Variants in WDR37 observed in about 807,000 individuals in gnomAD.
WDR37 encodes WD repeat domain 37.
WDR37 carries 19 observed loss-of-function variants against 62.9 expected under a neutral mutation model. That is an observed-to-expected ratio of 0.30 (90% CI 0.21 to 0.44). WDR37 has a LOEUF of 0.44. Ranked by LOEUF, WDR37 falls within the 20% of genes least tolerant of loss-of-function variation. WDR37 has a pLI of 1.00. For synonymous variants in WDR37, 250 were observed against 260.9 expected (o/e 0.96, Z 0.40); for missense variants, 474 against 657.6 (o/e 0.72, Z 3.05).
Position 1,108,738 on chromosome 10 carries a change from T to TCCCCCCCCCCCCCCCC in WDR37, c.1103+3471_1103+3472insCCCCCCCCCCCCCCCC, listed in dbSNP as rs1491455688. 5.0e-5 allele frequency among the ~76,000 whole-genome samples: 3 copies of TCCCCCCCCCCCCCCCC among 59,726 alleles called. 1 individual carries two copies. Among genetic ancestry groups the TCCCCCCCCCCCCCCCC allele is most frequent in the Non-Finnish European group, 7.5e-5 (2 of 26,688 alleles). 39.2% of individuals were successfully genotyped at this position (59,726 alleles called of 152,430 possible). ...GTTGCTTTGGTTTTGGCTTCTGTGA[T>TCCCCCCCCCCCCCCCC]GCCCCCCCCCCCCGTGGAACCTGCA... On this transcript the variant is annotated intron_variant, in intron 11 of 13. Transcript: ENST00000263150.
intron 12 of WDR37, 122 bp from the exon 13 acceptor site, chr10:1,124,788 G>A: frequency 7.8e-7 from 1 of 1,277,832 alleles, no homozygotes; most frequent in Non-Finnish European, 1.1e-6. Flanking sequence ...TACACGCAGT[G>A]TGTTCATGTA....
intron 11 of WDR37, among the ~76,000 whole-genome samples, chr10:1,123,066 G>A (rs1194969948): frequency 2.0e-5 from 3 of 151,950 alleles, no homozygotes; most frequent in African/African-American, 4.8e-5. Context: ...TCATCTTTAG[G>A]GCGTGGGTCT....
chr10:1,074,296 T>C (rs41299206), intron 2 of WDR37: 92,166 of 1,196,390 alleles, frequency 0.077, 3,841 homozygotes, highest in African/African-American at 0.16. Flanking sequence ...AAGTGTTCTT[T>C]TCTGGGCCCT....
chr10:1,069,389 A>ATATATATATATATATTTTT, intron 1 of WDR37, among the ~76,000 whole-genome samples: 2 of 95,804 alleles, frequency 2.1e-5, no homozygotes, highest in Admixed American at 1.2e-4. Flanking sequence ...ATATATATAT[A>ATATATATATATATATTTTT]TTTTTTTTTT....
chr10:1,129,314 CA>C lies in WDR37; in HGVS notation c.1457del (p.Asn486ThrfsTer16). The C allele has an allele frequency of 6.2e-7, 1 of 1,614,114 alleles. No homozygotes were observed. The highest frequency in any genetic ancestry group is 8.5e-7 in the Non-Finnish European group (1 of 1,180,026). On this transcript the variant is annotated frameshift_variant, in exon 14 of 14. Transcript: ENST00000263150. LOFTEE classifies it high-confidence loss of function. ...ACCGGCAAGCCATTGGTTGGAACAT[CA>C]ACATCCCTGCATTGCTACAAGAAAA... ...FDRQAIGWNI[N>X]IPALLQEK is the part of the protein sequence containing the mutation.
intron 2 of WDR37, among the ~76,000 whole-genome samples, chr10:1,072,813 A>G (rs2131615986): frequency 6.6e-6 from 1 of 152,364 alleles, no homozygotes; most frequent in Admixed American, 6.5e-5. Flanking sequence ...TATGTATACT[A>G]AGTAATAACA....
chr10:1,088,740 C>T (rs1462225253), intron 7 of WDR37, among the ~76,000 whole-genome samples: 2 of 151,892 alleles, frequency 1.3e-5, no homozygotes, highest in East Asian at 1.9e-4. Context: ...GAATTACCAG[C>T]GTGTGTCACA....
intron 11 of WDR37, among the ~76,000 whole-genome samples, chr10:1,107,281 C>T (rs995245437): frequency 6.8e-6 from 1 of 147,858 alleles, no homozygotes; most frequent in Non-Finnish European, 1.5e-5. Context: ...GACCTGGGCC[C>T]ACCACCTGGC....
intron 13 of WDR37, among the ~76,000 whole-genome samples, chr10:1,126,296 C>A (rs1235639741): frequency 6.6e-6 from 1 of 151,296 alleles, no homozygotes; most frequent in East Asian, 1.9e-4. Flanking sequence ...GTCCCAGCTA[C>A]TCGGGAGGCT....
intron 1 of WDR37, among the ~76,000 whole-genome samples, chr10:1,062,177 A>T (rs539062615): frequency 6.6e-6 from 1 of 152,332 alleles, no homozygotes; most frequent in African/African-American, 2.4e-5. Flanking sequence ...GCCAAGTTCC[A>T]GGGAGGTGAT....
At chr10:1,063,208 TG>T (rs1833428129) in intron 1 of WDR37, among the ~76,000 whole-genome samples, 1 of 152,188 alleles carries the variant, frequency 6.6e-6, no homozygotes, top group Non-Finnish European at 1.5e-5. Context: ...GTATCTCATA[TG>T]TTGTGCTGGA....
chr10:1,125,785 A>G (rs1564514370), intron 13 of WDR37, among the ~76,000 whole-genome samples: 1 of 152,226 alleles, frequency 6.6e-6, no homozygotes, highest in Non-Finnish European at 1.5e-5. Flanking sequence ...TTTCTATGGC[A>G]GGCTGTTGCG....
At chr10:1,085,739 A>G (rs1462407750) in intron 6 of WDR37, among the ~76,000 whole-genome samples, 1 of 152,234 alleles carries the variant, frequency 6.6e-6, no homozygotes, top group East Asian at 1.9e-4. Flanking sequence ...TGGAAATCAT[A>G]GTTTTAAAAA....
Position 1,071,967 on chromosome 10 carries a change from C to T in WDR37, c.-40-149C>T, listed in dbSNP as rs139063939. The T allele has an allele frequency of 1.5e-3, 821 of 548,288 alleles. 9 individuals are homozygous for T. The East Asian group carries it at 0.027, about 18-fold the overall frequency. 34.0% of individuals were successfully genotyped at this position (548,288 alleles called of 1,614,324 possible). On this transcript the variant is annotated intron_variant, in intron 1 of 13. Transcript: ENST00000263150. ...AAAGGCTGTGGTCCCTACCTTAAAA[C>T]ATCTTAATTTGTCATATTCCAAATT... is the stretch of plus-strand genomic sequence containing the variant.
intron 1 of WDR37, among the ~76,000 whole-genome samples, chr10:1,066,917 T>G (rs532486547): frequency 3.9e-5 from 6 of 152,278 alleles, no homozygotes; most frequent in Non-Finnish European, 7.4e-5. Context: ...AACTCCCCCT[T>G]ATAGAACCAT....
intron 4 of WDR37, 24 bp from the exon 5 acceptor site, chr10:1,080,388 G>C: frequency 6.2e-7 from 1 of 1,613,970 alleles, no homozygotes; most frequent in Non-Finnish European, 8.5e-7. Context: ...GATTGTGTTT[G>C]ATTGTCACTC....
At chr10:1,063,600 G>A (rs375998546) in intron 1 of WDR37, among the ~76,000 whole-genome samples, 2 of 152,188 alleles carry the variant, frequency 1.3e-5, no homozygotes, top group African/African-American at 4.8e-5. Context: ...CTTCTGCTGG[G>A]TGGTGACAGA....
intron 2 of WDR37, 125 bp downstream of exon 2, chr10:1,072,418 G>A: frequency 7.8e-7 from 1 of 1,288,384 alleles, no homozygotes. Flanking sequence ...GGGTGGAAGT[G>A]ATTCTCCTGC....
In WDR37 at chr10:1,125,004, C is replaced by T; in HGVS notation, c.1333C>T (p.Leu445Phe). ...TATGTCAGGAGTGCGCCTGGCGCGG[C>T]TTCCCCGGAGCAGCCGACAGGTAAC... ...FDMSGVRLAR[L>F]PRSSRQGHRR... Residue 445 changes from leucine (L) to phenylalanine (F), a missense_variant, in exon 13 of 14, where the codon CTT becomes TTT. Physicochemically the swap from Leu to Phe is conservative, Grantham distance 22 (BLOSUM62 0). Coordinates refer to ENST00000263150, the MANE Select transcript of WDR37 (RefSeq NM_014023.4). The T allele has an allele frequency of 6.2e-7, 1 of 1,614,208 alleles. No homozygotes were observed. The highest frequency in any genetic ancestry group is 2.2e-5 in the East Asian group (1 of 44,884).
Sources: gnomAD v4.1 joint callset for allele counts (sites outside exome capture counted in the v4.1 genomes callset) on GRCh38, gnomAD v4.1.1 for gene constraint, MANE v1.5 for transcripts, NCBI Gene and HGNC (gene_info 2026-07-23, HGNC 2026-07-21) for gene names.